LRRTM3: variants seen among roughly 807,000 people sequenced by gnomAD.
The protein encoded by LRRTM3 is leucine-rich repeat transmembrane neuronal protein 3.
Under a neutral mutation model 44.7 loss-of-function variants are expected in LRRTM3, and 24 were observed. The observed-to-expected ratio is 0.54, with a 90% CI of 0.39 to 0.76. The LOEUF (loss-of-function observed/expected upper bound fraction) is 0.76, where lower values mean the gene tolerates loss of function less well. Among genes scored for constraint, LRRTM3 ranks in the 30% least tolerant of loss-of-function variants. LRRTM3 has a pLI of 0.00. For synonymous variants in LRRTM3, 277 were observed against 278.7 expected (o/e 0.99, Z 0.06); for missense variants, 587 against 702.2 (o/e 0.84, Z 1.85).
chr10:67,029,507 A>C (rs1162514754), intron 2 of LRRTM3, among the ~76,000 whole-genome samples: 1 of 152,204 alleles, frequency 6.6e-6, no homozygotes, highest in African/African-American at 2.4e-5. Context: ...ACTTGAGTCA[A>C]GTATACACAA....
chr10:67,052,662 A>C (rs1855182950), intron 2 of LRRTM3: 1 of 152,178 alleles, frequency 6.6e-6, no homozygotes, highest in South Asian at 2.1e-4. Flanking sequence ...TAAGAGGATG[A>C]GGAGAAAGGA....
At chr10:66,932,748 A>T (rs762879404) in intron 2 of LRRTM3, among the ~76,000 whole-genome samples, 10 of 152,198 alleles carry the variant, frequency 6.6e-5, no homozygotes, top group Non-Finnish European at 1.2e-4. Flanking sequence ...TCCTAATCAT[A>T]ATAGCCTACA....
chr10:66,942,999 A>G (rs1848090699), intron 2 of LRRTM3, among the ~76,000 whole-genome samples: 1 of 152,168 alleles, frequency 6.6e-6, no homozygotes, highest in Non-Finnish European at 1.5e-5. Flanking sequence ...TCCCAGGGCA[A>G]ACAAAATAGC....
At chr10:67,097,038 T>C (rs1473976139) in intron 2 of LRRTM3, among the ~76,000 whole-genome samples, 3 of 151,928 alleles carry the variant, frequency 2.0e-5, no homozygotes, top group Admixed American at 1.3e-4. Flanking sequence ...TGTGGATTAA[T>C]AGTCCAGCAT....
chr10:67,034,477 C>G (rs561172791), intron 2 of LRRTM3, among the ~76,000 whole-genome samples: 67 of 152,324 alleles, frequency 4.4e-4, no homozygotes, highest in Admixed American at 1.4e-3. Context: ...TGCCTATACT[C>G]TCTAGTGTCT....
chr10:66,949,830 G>C (rs1292183597), intron 2 of LRRTM3, among the ~76,000 whole-genome samples: 1 of 152,146 alleles, frequency 6.6e-6, no homozygotes, highest in African/African-American at 2.4e-5. Context: ...CATGTTTTGT[G>C]ATTCTAACAA....
At chr10:67,093,386 T>G (rs963287779) in intron 2 of LRRTM3, among the ~76,000 whole-genome samples, 1 of 151,836 alleles carries the variant, frequency 6.6e-6, no homozygotes, top group Non-Finnish European at 1.5e-5. Flanking sequence ...ACTGTACTGT[T>G]GAACACCCTA....
intron 2 of LRRTM3, chr10:67,015,133 G>T (rs941666819): frequency 2.4e-4 from 37 of 152,098 alleles, no homozygotes; most frequent in African/African-American, 8.9e-4. Flanking sequence ...ATGCTATGTA[G>T]TTAGGGAAAT....
chr10:66,985,399 A>G (rs1481542753), intron 2 of LRRTM3, among the ~76,000 whole-genome samples: 1 of 152,174 alleles, frequency 6.6e-6, no homozygotes, highest in Non-Finnish European at 1.5e-5. Flanking sequence ...ATATAGGGGA[A>G]GGGTGCCCAA....
At chr10:66,931,930 T>A (rs553769086) in intron 2 of LRRTM3, among the ~76,000 whole-genome samples, 2 of 152,204 alleles carry the variant, frequency 1.3e-5, no homozygotes, top group Non-Finnish European at 2.9e-5. Context: ...GCAAGATACA[T>A]GTAATTTAGG....
intron 2 of LRRTM3, among the ~76,000 whole-genome samples, chr10:67,035,042 T>G (rs1183434281): frequency 6.6e-6 from 1 of 152,206 alleles, no homozygotes; most frequent in Non-Finnish European, 1.5e-5. Flanking sequence ...CAGTTAGAAG[T>G]GCTCACTGTA....
intron 2 of LRRTM3, among the ~76,000 whole-genome samples, chr10:67,077,092 C>A (rs1171885037): frequency 2.0e-5 from 3 of 152,108 alleles, no homozygotes; most frequent in African/African-American, 4.8e-5. Context: ...CAAATCCTGA[C>A]CCTCTACCTC....
At chr10:67,007,431 A>G (rs929476235) in intron 2 of LRRTM3, among the ~76,000 whole-genome samples, 5 of 151,818 alleles carry the variant, frequency 3.3e-5, no homozygotes, top group Non-Finnish European at 7.4e-5. Flanking sequence ...TAGCCCTTAA[A>G]TGTATACTTA....
At chr10:66,995,357 T>C (rs937772147) in intron 2 of LRRTM3, among the ~76,000 whole-genome samples, 1 of 152,116 alleles carries the variant, frequency 6.6e-6, no homozygotes, top group Non-Finnish European at 1.5e-5. Context: ...CTTTTCTTCA[T>C]ACCCACTGCC....
At chr10:67,009,076 GTGACT>G in intron 2 of LRRTM3, among the ~76,000 whole-genome samples, 1 of 152,100 alleles carries the variant, frequency 6.6e-6, no homozygotes, top group Non-Finnish European at 1.5e-5. Flanking sequence ...TCTCTTCCAT[GTGACT>G]TGATATTCAT....
At chr10:66,971,499 G>A (rs947462828) in intron 2 of LRRTM3, among the ~76,000 whole-genome samples, 5 of 152,026 alleles carry the variant, frequency 3.3e-5, no homozygotes, top group African/African-American at 9.7e-5. Flanking sequence ...AATCCCAATT[G>A]TACTCTTTAT....
chr10:66,953,175 A>C (rs1848626560), intron 2 of LRRTM3, among the ~76,000 whole-genome samples: 1 of 152,186 alleles, frequency 6.6e-6, no homozygotes, highest in African/African-American at 2.4e-5. Flanking sequence ...ATGGGCTCAT[A>C]ACTTAGTTCC....
intron 2 of LRRTM3, among the ~76,000 whole-genome samples, chr10:67,090,372 T>C (rs1303914658): frequency 2.6e-5 from 4 of 152,072 alleles, no homozygotes; most frequent in African/African-American, 9.7e-5. Context: ...AGTATAAACA[T>C]AGGAAATCTT....
intron 2 of LRRTM3, among the ~76,000 whole-genome samples, chr10:66,985,760 A>G (rs1015077622): frequency 1.3e-5 from 2 of 151,956 alleles, no homozygotes; most frequent in Non-Finnish European, 1.5e-5. Context: ...ACAGAGTCTC[A>G]CTCTATCACC....
Sources: gnomAD v4.1 joint callset for allele counts (sites outside exome capture counted in the v4.1 genomes callset) on GRCh38, gnomAD v4.1.1 for gene constraint, MANE v1.5 for transcripts, NCBI Gene and HGNC (gene_info 2026-07-23, HGNC 2026-07-21) for gene names.